Variants in CDH11 observed in about 807,000 individuals in gnomAD.
The protein encoded by CDH11 is cadherin-11.
In CDH11, 11 loss-of-function variants were observed where a neutral mutation model predicts 67.8. The observed-to-expected ratio is 0.16, with a 90% CI of 0.10 to 0.27. The LOEUF is 0.27. Ranked by LOEUF, CDH11 falls within the 10% of genes least tolerant of loss-of-function variation. The pLI is 1.00. For missense variants in CDH11, 847 were observed against 1,031.2 expected (o/e 0.82, Z 2.45); for synonymous variants, 419 against 400.0 (o/e 1.05, Z -0.57).
chr16:65,051,948 C>T (rs1170740133), intron 2 of CDH11, among the ~76,000 whole-genome samples: 2 of 152,100 alleles, frequency 1.3e-5, no homozygotes, highest in African/African-American at 2.4e-5. Context: ...ATACATTCTC[C>T]AAGATTGAGT....
chr16:64,986,809 T>G (rs957097826), intron 7 of CDH11: 15 of 152,098 alleles, frequency 9.9e-5, no homozygotes, highest in African/African-American at 3.6e-4. Context: ...AATCACCCCC[T>G]ACCTTTTCTT....
At chr16:64,965,771 AACACACACAC>A (rs55992835) in intron 11 of CDH11, among the ~76,000 whole-genome samples, 14,868 of 145,936 alleles carry the variant, frequency 0.1, 1,985 homozygotes, top group African/African-American at 0.31. Context: ...CGGTGCATGA[AACACACACAC>A]ACACACACAC....
chr16:65,098,950 T>C (rs996962028), intron 1 of CDH11, among the ~76,000 whole-genome samples: 2 of 152,182 alleles, frequency 1.3e-5, no homozygotes, highest in African/African-American at 4.8e-5. Flanking sequence ...GAGGTCACTT[T>C]CAGATCTCTA....
Position 65,076,846 on chromosome 16 carries a change from A to G in CDH11, c.-297-22918T>C, listed in dbSNP as rs142380293. On this transcript the variant is annotated intron_variant, in intron 1 of 12. Coordinates refer to ENST00000268603, the MANE Select transcript of CDH11 (RefSeq NM_001797.4). ...TTCCAGCTTAAACCATGTCCCTGCAAGAGACAAGAACTCATCCTTTTTTAT... is the reference window on the plus strand; with the variant it reads ...TTCCAGCTTAAACCATGTCCCTGCAGGAGACAAGAACTCATCCTTTTTTAT... 2.1e-3 allele frequency among the ~76,000 whole-genome samples: 317 copies of G among 152,282 alleles called. 2 individuals are homozygous for G. The highest frequency in any genetic ancestry group is 7.0e-3 in the African/African-American group (289 of 41,554).
chr16:65,021,569 CAT>C (rs58195440), intron 2 of CDH11, among the ~76,000 whole-genome samples: 56,600 of 138,848 alleles, frequency 0.41, 11,683 homozygotes, highest in South Asian at 0.52. Flanking sequence ...CACACACACA[CAT>C]ATATATATAT....
intron 11 of CDH11, among the ~76,000 whole-genome samples, chr16:64,960,678 G>A (rs2071648064): frequency 6.6e-6 from 1 of 152,096 alleles, no homozygotes; most frequent in African/African-American, 2.4e-5. Context: ...ACTTGACATG[G>A]TTTCAAGTTT....
chr16:64,951,017 A>G lies in CDH11; in HGVS notation c.1644T>C (p.Asp548=). The G allele has an allele frequency of 6.2e-7, 1 of 1,611,946 alleles. No individual in the cohort carries two copies. Among genetic ancestry groups the G allele is most frequent in the South Asian group, 1.1e-5 (1 of 91,046 alleles). Residue 548 remains aspartate, a splice_region_variant and synonymous_variant, in exon 12 of 13, where the codon GAT becomes GAC. Coordinates refer to ENST00000268603, the MANE Select transcript of CDH11 (RefSeq NM_001797.4). ...NPNFTVRDNR[D]NTAGVYARRG... ...GCCGGGCGTACACGCCTGCTGTGTT[A>G]TCTGCAGAAAGAGGGGAGACAGGCC...
At chr16:65,049,567 A>G (rs1423483770) in intron 2 of CDH11, among the ~76,000 whole-genome samples, 1 of 152,322 alleles carries the variant, frequency 6.6e-6, no homozygotes, top group East Asian at 1.9e-4. Flanking sequence ...GAAAATATCA[A>G]TGTCATTGAC....
At position 64,958,020 on chromosome 16, in the gene CDH11, T is replaced by C. The variant is rs117528903; in HGVS notation, c.1643-7002A>G. Among the ~76,000 whole-genome samples, 1,031 of 152,316 alleles carry C rather than the reference T, an allele frequency of 6.8e-3. 7 individuals carry two copies. Among genetic ancestry groups the C allele is most frequent in the Non-Finnish European group, 0.011 (761 of 68,030 alleles). ...ACCTCTATTTTCTTGCCTTTCTGAA[T>C]ACCCTGTGAGCTCTCTACCTACCTG... On this transcript the variant is annotated intron_variant, in intron 11 of 12. Transcript: ENST00000268603.
chr16:65,013,733 A>G (rs2073231500), intron 2 of CDH11, among the ~76,000 whole-genome samples: 1 of 152,060 alleles, frequency 6.6e-6, no homozygotes, highest in Non-Finnish European at 1.5e-5. Flanking sequence ...AGGCTGAGGC[A>G]GAAGAATTGC....
At chr16:65,111,805 T>C (rs1052250656) in intron 1 of CDH11, among the ~76,000 whole-genome samples, 3 of 151,700 alleles carry the variant, frequency 2.0e-5, no homozygotes, top group Non-Finnish European at 4.4e-5. Context: ...GGCGCGGTGG[T>C]TCACGCCTGT....
Position 65,105,902 on chromosome 16 carries a change from C to G in CDH11, c.-298+15978G>C, listed in dbSNP as rs1309387320. On this transcript the variant is annotated intron_variant, in intron 1 of 12. Coordinates refer to ENST00000268603, the MANE Select transcript of CDH11 (RefSeq NM_001797.4). ...CAATTCTTGAAGAGTGATGCTATTA[C>G]CATGAATTTCATCAATTCAGTCTTA... Among the ~76,000 whole-genome samples the G allele has an allele frequency of 3.3e-5, 5 of 152,330 alleles. No homozygotes were observed. The South Asian group carries it at 1.0e-3, about 32-fold the overall frequency.
At chr16:65,041,364 C>T (rs1597124318) in intron 2 of CDH11, among the ~76,000 whole-genome samples, 1 of 149,154 alleles carries the variant, frequency 6.7e-6, no homozygotes, top group South Asian at 2.1e-4. Flanking sequence ...GGTGCTTCCA[C>T]AAGCTGTGAA....
intron 1 of CDH11, among the ~76,000 whole-genome samples, chr16:65,112,069 C>CAAAAA (rs35671651): frequency 1.3e-4 from 12 of 91,286 alleles, no homozygotes; most frequent in South Asian, 1.2e-3. Flanking sequence ...GACTCTGTCT[C>CAAAAA]AAAAAAAAAA....
intron 2 of CDH11, among the ~76,000 whole-genome samples, chr16:65,015,755 C>A (rs973635501): frequency 6.6e-6 from 1 of 152,190 alleles, no homozygotes; most frequent in South Asian, 2.1e-4. Context: ...CAGAGAACCA[C>A]TCCCCATAGT....
chr16:64,997,330 A>T (rs1319573579), intron 4 of CDH11, among the ~76,000 whole-genome samples: 2 of 150,406 alleles, frequency 1.3e-5, no homozygotes, highest in Non-Finnish European at 3.0e-5. Flanking sequence ...TAAATAAATA[A>T]ATAAATAAAC....
chr16:65,053,782 C>A, intron 2 of CDH11, 22 bp downstream of exon 2: 1 of 455,886 alleles, frequency 2.2e-6, no homozygotes. Flanking sequence ...GTGAATTGTT[C>A]AGTAATATTA....
intron 1 of CDH11, among the ~76,000 whole-genome samples, chr16:65,064,859 T>C (rs959408987): frequency 1.1e-4 from 16 of 152,284 alleles, no homozygotes; most frequent in African/African-American, 3.8e-4. Flanking sequence ...ATCCAGATAT[T>C]AGGGAAGACA....
At chr16:65,052,109 T>C (rs933966029) in intron 2 of CDH11, among the ~76,000 whole-genome samples, 5 of 152,202 alleles carry the variant, frequency 3.3e-5, no homozygotes, top group African/African-American at 1.2e-4. Context: ...GACTTTTCTC[T>C]GTTAGTCACC....
Sources: allele counts gnomAD v4.1 joint callset (sites outside exome capture counted in the v4.1 genomes callset), GRCh38; gene constraint gnomAD v4.1.1; transcripts MANE v1.5; gene names NCBI Gene and HGNC (gene_info 2026-07-23, HGNC 2026-07-21).